ANKH: variants seen among roughly 807,000 people sequenced by gnomAD.
The protein encoded by ANKH is mineralization regulator ANKH.
A neutral mutation model predicts 49.0 loss-of-function variants in ANKH; 15 were observed. The observed-to-expected ratio is 0.31, with a 90% CI of 0.20 to 0.47. ANKH has a LOEUF of 0.47. ANKH is among the 20% of genes least tolerant of loss of function. The probability of loss-of-function intolerance (pLI) is 1.00; values close to 1 mark genes in which losing one functional copy is unlikely to be tolerated. For missense variants in ANKH, 429 were observed against 652.0 expected (o/e 0.66, Z 3.72); for synonymous variants, 273 against 260.0 (o/e 1.05, Z -0.48).
At chr5:14,865,287 T>TAAATA (rs1461627653) in intron 1 of ANKH, among the ~76,000 whole-genome samples, 1 of 152,000 alleles carries the variant, frequency 6.6e-6, no homozygotes, top group African/African-American at 2.4e-5. Context: ...GATAATAAAT[T>TAAATA]AAATAAAATA....
intron 1 of ANKH, among the ~76,000 whole-genome samples, chr5:14,828,486 C>T (rs113060339): frequency 0.013 from 2,028 of 152,168 alleles, 40 homozygotes; most frequent in African/African-American, 0.045. Context: ...GAGATTGCAC[C>T]ACTGCACTCC....
In ANKH at chr5:14,707,776, C is replaced by G. The variant is rs1211860632; in HGVS notation, c.*3421G>C. 6.6e-6 allele frequency: 1 copy of G among 152,192 alleles called. No individual in the cohort carries two copies. The highest frequency in any genetic ancestry group is 1.5e-5 in the Non-Finnish European group (1 of 68,034). The allele number at this position is 152,192 out of a possible 1,614,324, so 9.4% of individuals were successfully genotyped here. ...CATCCTAAGCCAATATTAAATGTTT[C>G]AGTTTCTTAGGGAATCGGCTATCCA... On this transcript the variant is annotated 3_prime_UTR_variant, in exon 12 of 12. Coordinates refer to ENST00000284268, the MANE Select transcript of ANKH (RefSeq NM_054027.6).
At chr5:14,829,010 C>A (rs527930885) in intron 1 of ANKH, among the ~76,000 whole-genome samples, 45 of 151,958 alleles carry the variant, frequency 3.0e-4, no homozygotes, top group Non-Finnish European at 5.1e-4. Flanking sequence ...CATGGTGAAA[C>A]TCGTCTCTAT....
chr5:14,800,718 AT>A (rs1190100002), intron 1 of ANKH, among the ~76,000 whole-genome samples: 17 of 140,092 alleles, frequency 1.2e-4, no homozygotes, highest in South Asian at 2.2e-4. Flanking sequence ...CAAATATAAC[AT>A]TTTTTTTCTT....
rs554977441 is a variant in ANKH, at chr5:14,842,088, A to G, written c.96+29264T>C. On this transcript the variant is annotated intron_variant, in intron 1 of 11. Transcript: ENST00000284268. ...AGCTAAACAGATAAATGCTTTCACT[A>G]AAATTAGACAATTCCTAGGAAAGAG... Among the ~76,000 whole-genome samples, 51 of 152,338 alleles carry G rather than the reference A, an allele frequency of 3.3e-4. No individual in the cohort carries two copies. In the South Asian group the frequency reaches 5.6e-3, roughly 17 times the overall value.
At chr5:14,854,582 G>T (rs1346921527) in intron 1 of ANKH, among the ~76,000 whole-genome samples, 1 of 152,132 alleles carries the variant, frequency 6.6e-6, no homozygotes, top group Non-Finnish European at 1.5e-5. Flanking sequence ...TGCACCTGTG[G>T]TCCCAGCTAC....
At position 14,834,655 on chromosome 5, in the gene ANKH, C is replaced by G. The variant is rs550167940; in HGVS notation, c.96+36697G>C. ...AATTAGCCAGGTGTGGTGGTACACA[C>G]CTGTAATCCCAGCTACTCAGGAGGC... On this transcript the variant is annotated intron_variant, in intron 1 of 11. Coordinates refer to ENST00000284268, the MANE Select transcript of ANKH (RefSeq NM_054027.6). Among the ~76,000 whole-genome samples the G allele has an allele frequency of 8.5e-5, 13 of 152,176 alleles. 1 individual carries two copies. The East Asian group carries it at 2.3e-3, about 27-fold the overall frequency.
intron 1 of ANKH, among the ~76,000 whole-genome samples, chr5:14,792,989 A>T (rs59546079): frequency 3.4e-4 from 29 of 85,250 alleles, no homozygotes; most frequent in African/African-American, 7.5e-4. Context: ...TATATATATA[A>T]AAATATATAT....
intron 8 of ANKH, among the ~76,000 whole-genome samples, chr5:14,717,917 A>G (rs2126418485): frequency 6.6e-6 from 1 of 152,262 alleles, no homozygotes; most frequent in South Asian, 2.1e-4. Context: ...TGGATTTTCG[A>G]TTTTTGGATG....
intron 1 of ANKH, among the ~76,000 whole-genome samples, chr5:14,845,023 G>A (rs867282008): frequency 4.8e-5 from 7 of 145,132 alleles, no homozygotes; most frequent in East Asian, 2.0e-4. Context: ...TTACCTAAGC[G>A]TGCAAGAAAA....
intron 1 of ANKH, among the ~76,000 whole-genome samples, chr5:14,784,222 A>C (rs190800686): frequency 1.1e-4 from 17 of 152,372 alleles, no homozygotes; most frequent in Admixed American, 1.1e-3. Flanking sequence ...ATCTAACAAC[A>C]TAATAGGGTA....
chr5:14,789,167 A>G (rs1740076932), intron 1 of ANKH, among the ~76,000 whole-genome samples: 1 of 152,076 alleles, frequency 6.6e-6, no homozygotes, highest in Non-Finnish European at 1.5e-5. Flanking sequence ...GGCAGAGGTT[A>G]TAATGAGCCA....
intron 1 of ANKH, among the ~76,000 whole-genome samples, chr5:14,841,798 T>C (rs921245845): frequency 4.6e-5 from 7 of 152,192 alleles, no homozygotes; most frequent in African/African-American, 1.7e-4. Flanking sequence ...TGGATTTGAC[T>C]ACTCTAAGTA....
Position 14,762,740 on chromosome 5 carries a change from G to T in ANKH, c.314-4142C>A, listed in dbSNP as rs6886627. ...ATTTCCAGCTAGAGCTATTGGGGGG[G>T]TGGGGGGGTAATTTGTTTAAAGTGA... is the stretch of plus-strand genomic sequence containing the variant. On this transcript the variant is annotated intron_variant, in intron 2 of 11. Coordinates refer to ENST00000284268, the MANE Select transcript of ANKH (RefSeq NM_054027.6). 2.0e-3 allele frequency among the ~76,000 whole-genome samples: 302 copies of T among 149,512 alleles called. 3 individuals are homozygous for T. The highest frequency in any genetic ancestry group is 6.7e-3 in the African/African-American group (271 of 40,396).
intron 2 of ANKH, among the ~76,000 whole-genome samples, chr5:14,760,462 T>C (rs1739039577): frequency 6.6e-6 from 1 of 152,204 alleles, no homozygotes; most frequent in Non-Finnish European, 1.5e-5. Context: ...AGAATGAAGA[T>C]GTTACTTAAT....
intron 1 of ANKH, among the ~76,000 whole-genome samples, chr5:14,800,975 C>T (rs1561062028): frequency 6.6e-6 from 1 of 152,142 alleles, no homozygotes; most frequent in Non-Finnish European, 1.5e-5. Flanking sequence ...ATCCTCCTGC[C>T]TCAGCCTCCC....
intron 2 of ANKH, among the ~76,000 whole-genome samples, chr5:14,759,557 C>T (rs1043860536): frequency 2.6e-5 from 4 of 151,684 alleles, no homozygotes; most frequent in African/African-American, 4.8e-5. Context: ...TGAGACTAGC[C>T]TGGGCAACAT....
At chr5:14,811,322 G>A (rs1270374208) in intron 1 of ANKH, among the ~76,000 whole-genome samples, 1 of 152,162 alleles carries the variant, frequency 6.6e-6, no homozygotes, top group African/African-American at 2.4e-5. Flanking sequence ...AGAAACCTGT[G>A]CGGTCTTAAT....
intron 8 of ANKH, among the ~76,000 whole-genome samples, chr5:14,733,102 C>T (rs866713442): frequency 6.6e-6 from 1 of 152,200 alleles, no homozygotes; most frequent in African/African-American, 2.4e-5. Context: ...CTTCAAGCCA[C>T]ATCAGTTAAG....
Sources: gnomAD v4.1 joint callset for allele counts (sites outside exome capture counted in the v4.1 genomes callset) on GRCh38, gnomAD v4.1.1 for gene constraint, MANE v1.5 for transcripts, NCBI Gene and HGNC (gene_info 2026-07-23, HGNC 2026-07-21) for gene names.